CRNN: variants seen among roughly 807,000 people sequenced by gnomAD.
CRNN encodes the protein cornulin, also known as 53 kDa putative calcium-binding protein.
Under a neutral mutation model 44.7 loss-of-function variants are expected in CRNN, and 39 were observed. The observed-to-expected ratio is 0.87, with a 90% CI of 0.68 to 1.14. The LOEUF is 1.14. Among genes scored for constraint, CRNN ranks in the 50% most tolerant of loss-of-function variants. The pLI is 0.00. For missense variants in CRNN, 606 were observed against 605.1 expected (o/e 1.00, Z -0.02); for synonymous variants, 240 against 231.8 (o/e 1.04, Z -0.32).
In CRNN at chr1:152,410,490, C is replaced by T. The variant is rs146460556; in HGVS notation, c.592G>A (p.Gly198Ser). 6 of 1,614,052 alleles carry T rather than the reference C, an allele frequency of 3.7e-6. No homozygotes were observed. Among genetic ancestry groups the T allele is most frequent in the African/African-American group, 1.3e-5 (1 of 74,932 alleles). Reference sequence around the variant, plus strand: ...ATCTCTGTTGTCTGATTCCTCTTGCCTTCTCCAGCTTTCTGGGTCTGCTCT... The same window carrying T: ...ATCTCTGTTGTCTGATTCCTCTTGCTTTCTCCAGCTTTCTGGGTCTGCTCT... The part of the protein sequence containing the change: ...QTEQTQKAGE[G>S]KRNQTTEMRP... The change falls in exon 3 of 3, where the codon GGC becomes AGC. Residue 198 changes from glycine (G) to serine (S), a missense_variant. Transcript: ENST00000271835.
chr1:152,410,585 C>A lies in CRNN; in HGVS notation c.497G>T (p.Ser166Ile), dbSNP rs1223412858. ...GQATGSAWVS[S>I]YDRQAESQSQ... is the part of the protein sequence containing the mutation. ...CTGGGACTCAGCTTGCCTGTCATAG[C>A]TGCTGACCCACGCAGAGCCAGTGGC... Residue 166 changes from serine (S) to isoleucine (I), a missense_variant, in exon 3 of 3, where the codon AGC becomes ATC. Coordinates refer to ENST00000271835, the MANE Select transcript of CRNN (RefSeq NM_016190.3). 6.2e-7 allele frequency: 1 copy of A among 1,614,126 alleles called. No individual in the cohort carries two copies.
In CRNN at chr1:152,410,817, G is replaced by A. The variant is rs776169690; in HGVS notation, c.265C>T (p.Leu89=). 1.2e-6 allele frequency: 2 copies of A among 1,614,244 alleles called. No homozygotes were observed. The highest frequency in any genetic ancestry group is 1.7e-6 in the Non-Finnish European group (2 of 1,180,036). Reference sequence around the variant, plus strand: ...CAGGCTCCCTCAGCACTCTCGCTCAGTGTCTTGAAACAGGCCTGGGCAACT... The same window carrying A: ...CAGGCTCCCTCAGCACTCTCGCTCAATGTCTTGAAACAGGCCTGGGCAACT... ...FKVAQACFKT[L]SESAEGACGS... is the part of the protein sequence containing the mutation. The change falls in exon 3 of 3, where the codon CTG becomes TTG. Residue 89 remains leucine, a synonymous_variant. Transcript: ENST00000271835.
At chr1:152,411,198 T>C (rs972948459) in intron 2 of CRNN, among the ~76,000 whole-genome samples, 7 of 152,224 alleles carry the variant, frequency 4.6e-5, no homozygotes, top group African/African-American at 1.7e-4. Context: ...TAAAGATTTA[T>C]TGAAGAGTTA....
Position 152,409,459 on chromosome 1 carries a change from T to C in CRNN, c.*135A>G. The C allele has an allele frequency of 6.9e-7, 1 of 1,446,404 alleles. No individual in the cohort carries two copies. Among genetic ancestry groups the C allele is most frequent in the Non-Finnish European group, 9.1e-7 (1 of 1,092,998 alleles). 89.6% of individuals were successfully genotyped at this position (1,446,404 alleles called of 1,614,324 possible). ...AAGCTCCTTGCAGAAATTATCTCAT[T>C]GAGAAAGACCTAAAAGGGAAGCTGC... On this transcript the variant is annotated 3_prime_UTR_variant, in exon 3 of 3. Coordinates refer to ENST00000271835, the MANE Select transcript of CRNN (RefSeq NM_016190.3).
In CRNN at chr1:152,410,464, C is replaced by T. The variant is rs1167528602; in HGVS notation, c.618G>A (p.Met206Ile). The T allele has an allele frequency of 1.2e-6, 2 of 1,614,226 alleles. No homozygotes were observed. Among genetic ancestry groups the T allele is most frequent in the African/African-American group, 1.3e-5 (1 of 75,058 alleles). ...GEGKRNQTTE[M>I]RPERQPQTRE... ...TGGTCTGTGGCTGTCTCTCTGGCCT[C>T]ATCTCTGTTGTCTGATTCCTCTTGC... Residue 206 changes from methionine to isoleucine, a missense_variant, in exon 3 of 3, where the codon ATG (methionine) becomes ATA (isoleucine). Met to Ile is a conservative substitution (Grantham distance 10). Transcript: ENST00000271835.
In CRNN at chr1:152,410,622, T is replaced by A. The variant is rs1273297906; in HGVS notation, c.460A>T (p.Thr154Ser). Residue 154 changes from threonine to serine, a missense_variant, in exon 3 of 3, where the codon ACC (threonine) becomes TCC (serine). Physicochemically the swap from Thr to Ser is moderately conservative, Grantham distance 58. Coordinates refer to ENST00000271835, the MANE Select transcript of CRNN (RefSeq NM_016190.3). ...SRGQNRPGVQ[T>S]QGQATGSAWV... ...GCAGAGCCAGTGGCCTGACCCTGGG[T>A]CTGAACCCCAGGCCTGTTCTGCCCT... The A allele has an allele frequency of 6.2e-7, 1 of 1,614,084 alleles. No homozygotes were observed.
chr1:152,413,358 G>A (rs1385700769), intron 1 of CRNN, among the ~76,000 whole-genome samples: 1 of 152,242 alleles, frequency 6.6e-6, no homozygotes, highest in Non-Finnish European at 1.5e-5. Context: ...GAGACCCAAA[G>A]GAGGAGATGG....
chr1:152,411,282 C>T (rs1050786136), intron 2 of CRNN, among the ~76,000 whole-genome samples: 2 of 152,272 alleles, frequency 1.3e-5, no homozygotes, highest in East Asian at 1.9e-4. Context: ...GGCACCTTGC[C>T]CCTGGCACTG....
Position 152,410,520 on chromosome 1 carries a change from G to T in CRNN, c.562C>A (p.Gln188Lys), listed in dbSNP as rs1340988732. 1 of 1,614,132 alleles carries T rather than the reference G, an allele frequency of 6.2e-7. No individual in the cohort carries two copies. The highest frequency in any genetic ancestry group is 1.7e-5 in the Admixed American group (1 of 60,026). Residue 188 changes from glutamine to lysine, a missense_variant, in exon 3 of 3, where the codon CAG becomes AAG. Gln to Lys is a moderately conservative substitution (Grantham distance 53). Coordinates refer to ENST00000271835, the MANE Select transcript of CRNN (RefSeq NM_016190.3). ...CCAGCTTTCTGGGTCTGCTCTGTCT[G>T]CCCAGAGAGTTGTATCTGCGGGCTT... ...RISPQIQLSG[Q>K]TEQTQKAGEG...
At chr1:152,413,058 G>A (rs564109443) in intron 1 of CRNN, among the ~76,000 whole-genome samples, 20 of 152,058 alleles carry the variant, frequency 1.3e-4, no homozygotes, top group Admixed American at 3.3e-4. Context: ...TGCTCAGGAG[G>A]GGGGAACCTT....
rs1308465819 is a variant in CRNN at position 152,410,010 on chromosome 1, C to A, written c.1072G>T (p.Val358Leu). 6.2e-7 allele frequency: 1 copy of A among 1,614,184 alleles called. No individual in the cohort carries two copies. ...ACAGTTTGGCTTCTGTCCTGCTCCA[C>A]AGTCTCGGTGTGTGACCCTGCCTGT... ...QIQAGSHTET[V>L]EQDRSQTVSH... The change falls in exon 3 of 3, where the codon GTG becomes TTG. Residue 358 changes from valine (V) to leucine (L), a missense_variant. Coordinates refer to ENST00000271835, the MANE Select transcript of CRNN (RefSeq NM_016190.3).
chr1:152,409,332 G>T lies in CRNN; in HGVS notation c.*262C>A. On this transcript the variant is annotated 3_prime_UTR_variant, in exon 3 of 3. Coordinates refer to ENST00000271835, the MANE Select transcript of CRNN (RefSeq NM_016190.3). ...AAAATAGTCCTGAAACCCCCCACAAGATGAGGACAATTCAGTACAAAGGGG... is the reference window on the plus strand; with the variant it reads ...AAAATAGTCCTGAAACCCCCCACAATATGAGGACAATTCAGTACAAAGGGG... 1 of 504,986 alleles carries T rather than the reference G, an allele frequency of 2.0e-6. No individual in the cohort carries two copies. Among genetic ancestry groups the T allele is most frequent in the Non-Finnish European group, 3.4e-6 (1 of 295,930 alleles). 31.3% of individuals were successfully genotyped at this position (504,986 alleles called of 1,614,324 possible).
rs762078461 is a variant in CRNN, at chr1:152,410,002, C to A, written c.1080G>T (p.Gln360His). ...QAGSHTETVE[Q>H]DRSQTVSHGG... ...CGTGGCTTACAGTTTGGCTTCTGTC[C>A]TGCTCCACAGTCTCGGTGTGTGACC... Residue 360 changes from glutamine (Q) to histidine (H), a missense_variant, in exon 3 of 3, where the codon CAG becomes CAT. Coordinates refer to ENST00000271835, the MANE Select transcript of CRNN (RefSeq NM_016190.3). The A allele has an allele frequency of 1.1e-5, 17 of 1,614,074 alleles. No homozygotes were observed. Among genetic ancestry groups the A allele is most frequent in the Non-Finnish European group, 1.4e-5 (17 of 1,180,048 alleles).
Position 152,410,104 on chromosome 1 carries a change from T to C in CRNN, c.978A>G (p.Arg326=). The C allele has an allele frequency of 6.2e-7, 1 of 1,613,854 alleles. No homozygotes were observed. Residue 326 remains arginine, a synonymous_variant, in exon 3 of 3, where the codon AGA becomes AGG. Transcript: ENST00000271835. ...QTQESTNGQN[R]GTEIHGQGRS... ...TGCCTTGACCGTGGATCTCAGTCCC[T>C]CTGTTCTGGCCATTGGTGGACTCCT...
chr1:152,409,322 C>T lies in CRNN; in HGVS notation c.*272G>A, dbSNP rs1028871243. 7 of 459,254 alleles carry T rather than the reference C, an allele frequency of 1.5e-5. No individual in the cohort carries two copies. Among genetic ancestry groups the T allele is most frequent in the African/African-American group, 3.9e-5 (2 of 51,658 alleles). 28.4% of individuals were successfully genotyped at this position (459,254 alleles called of 1,614,324 possible). A position where few individuals can be genotyped will look rare whatever the true frequency, so the allele number is the denominator to read the frequency against. ...GTCAGAGATAAAAATAGTCCTGAAACCCCCCACAAGATGAGGACAATTCAG... is the reference window on the plus strand; with the variant it reads ...GTCAGAGATAAAAATAGTCCTGAAATCCCCCACAAGATGAGGACAATTCAG... On this transcript the variant is annotated 3_prime_UTR_variant, in exon 3 of 3. Transcript: ENST00000271835.
At chr1:152,411,085 C>T in intron 2 of CRNN, 142 bp from the exon 3 acceptor site, 2 of 1,379,508 alleles carry the variant, frequency 1.4e-6, no homozygotes, top group Non-Finnish European at 1.9e-6. Context: ...GACTTAATTG[C>T]CTTTATTTTT....
At position 152,410,225 on chromosome 1, in the gene CRNN, T is replaced by A; in HGVS notation, c.857A>T (p.His286Leu). The A allele has an allele frequency of 6.2e-7, 1 of 1,612,956 alleles. No individual in the cohort carries two copies. The highest frequency in any genetic ancestry group is 1.3e-5 in the African/African-American group (1 of 74,694). Residue 286 changes from histidine to leucine, a missense_variant, in exon 3 of 3, where the codon CAT becomes CTT. Physicochemically the swap from His to Leu is moderately conservative, Grantham distance 99. Coordinates refer to ENST00000271835, the MANE Select transcript of CRNN (RefSeq NM_016190.3). ...SQTSQAVTGG[H>L]AQIQAGTHTQ... ...GTGTGTCCCTGCCTGTATCTGAGCA[T>A]GTCCTCCTGTCACAGCCTGGCTGGT...
Position 152,410,128 on chromosome 1 carries a change from C to T in CRNN, c.954G>A (p.Gln318=), listed in dbSNP as rs756067152. The T allele has an allele frequency of 8.1e-6, 13 of 1,613,510 alleles. No homozygotes were observed. The African/African-American group carries it at 1.7e-4, about 22-fold the overall frequency. The change falls in exon 3 of 3, where the codon CAG becomes CAA. Residue 318 remains glutamine (Q), a synonymous_variant. Transcript: ENST00000271835. The part of the protein sequence containing the change: ...HQTGSTSTQT[Q]ESTNGQNRGT... ...CTCTGTTCTGGCCATTGGTGGACTCCTGTGTCTGGGTGCTGGTGCTTCCTG... is the reference window on the plus strand; with the variant it reads ...CTCTGTTCTGGCCATTGGTGGACTCTTGTGTCTGGGTGCTGGTGCTTCCTG...
chr1:152,409,397 A>T lies in CRNN; in HGVS notation c.*197T>A. On this transcript the variant is annotated 3_prime_UTR_variant, in exon 3 of 3. Transcript: ENST00000271835. ...TCTTCCTGCTCCTGAGAGGGTCTGC[A>T]CCGCAAAGCAGGTAAGAAAGAAGAG... is the stretch of plus-strand genomic sequence containing the variant. 1 of 974,722 alleles carries T rather than the reference A, an allele frequency of 1.0e-6. No individual in the cohort carries two copies. Among genetic ancestry groups the T allele is most frequent in the Non-Finnish European group, 1.5e-6 (1 of 683,990 alleles). The allele number at this position is 974,722 out of a possible 1,614,324, so 60.4% of individuals were successfully genotyped here. A position where few individuals can be genotyped will look rare whatever the true frequency, so the allele number is the denominator to read the frequency against.
Sources: gnomAD v4.1 joint callset for allele counts (sites outside exome capture counted in the v4.1 genomes callset) on GRCh38, gnomAD v4.1.1 for gene constraint, MANE v1.5 for transcripts, NCBI Gene and HGNC (gene_info 2026-07-23, HGNC 2026-07-21) for gene names.